The following PTPRN2 variants were observed in gnomAD, a reference collection of about 807,000 sequenced individuals.
PTPRN2 encodes the protein protein tyrosine phosphatase receptor type N2, also known as receptor-type tyrosine-protein phosphatase N2.
A neutral mutation model predicts 118.8 loss-of-function variants in PTPRN2; 74 were observed. The ratio of observed to expected loss-of-function variants is 0.62; its 90% CI spans 0.52 to 0.76. The LOEUF (loss-of-function observed/expected upper bound fraction) is 0.76, where lower values mean the gene tolerates loss of function less well. Among genes scored for constraint, PTPRN2 ranks in the 30% least tolerant of loss-of-function variants. PTPRN2 has a pLI of 0.00. For synonymous variants in PTPRN2, 641 were observed against 608.0 expected, an observed-to-expected ratio of 1.05 and a Z score of -0.80; for missense variants, 1,481 against 1,394.4, an observed-to-expected ratio of 1.06 and a Z score of -0.99.
chr7:157,932,058 C>T (rs1473289771), intron 11 of PTPRN2, among the ~76,000 whole-genome samples: 1 of 152,202 alleles, frequency 6.6e-6, no homozygotes, highest in East Asian at 1.9e-4. Flanking sequence ...TTTACTCTCA[C>T]CTGCAAAATC....
intron 5 of PTPRN2, among the ~76,000 whole-genome samples, chr7:158,189,006 C>A (rs956178385): frequency 2.0e-5 from 3 of 152,190 alleles, no homozygotes; most frequent in African/African-American, 7.2e-5. Flanking sequence ...CCTAGGAAGG[C>A]ATCCTGTCTC....
chr7:158,096,685 A>AATATTC (rs1182345906), intron 10 of PTPRN2, among the ~76,000 whole-genome samples: 1 of 152,230 alleles, frequency 6.6e-6, no homozygotes, highest in Non-Finnish European at 1.5e-5. Flanking sequence ...CAGGGCACTG[A>AATATTC]AGACGAAGCC....
intron 3 of PTPRN2, among the ~76,000 whole-genome samples, chr7:158,246,052 A>G (rs1178546970): frequency 6.6e-6 from 1 of 152,060 alleles, no homozygotes; most frequent in Non-Finnish European, 1.5e-5. Context: ...GCATGATGTT[A>G]CCCTCCAGGG....
Position 157,550,171 on chromosome 7 carries a change from C to T in PTPRN2, c.2903-1152G>A, listed in dbSNP as rs1798523429. On this transcript the variant is annotated intron_variant, in intron 21 of 22. Transcript: ENST00000389418. This position sits in a 1 kb window ranked among gnomAD's most constrained non-coding sequence, Gnocchi z 5.2. Reference sequence around the variant, plus strand: ...GAATCAGGAGAGAAGCTTTAAAATTCCCGAGGTTCCTCAATTTCCTTTCCC... The same window carrying T: ...GAATCAGGAGAGAAGCTTTAAAATTTCCGAGGTTCCTCAATTTCCTTTCCC... 6.6e-6 allele frequency among the ~76,000 whole-genome samples: 1 copy of T among 152,220 alleles called. No individual in the cohort carries two copies. The highest frequency in any genetic ancestry group is 2.4e-5 in the African/African-American group (1 of 41,446).
At chr7:157,621,046 T>C (rs76869372) in intron 15 of PTPRN2, among the ~76,000 whole-genome samples, 668 of 47,578 alleles carry the variant, frequency 0.014, 11 homozygotes, top group African/African-American at 0.049. Flanking sequence ...CAGGTCAGCA[T>C]GGCCAGTTTC....
Position 158,234,465 on chromosome 7 carries a change from A to C in PTPRN2, c.278-29192T>G, listed in dbSNP as rs1020732976. On this transcript the variant is annotated intron_variant, in intron 3 of 22. Transcript: ENST00000389418. ...CATCAAATAAAAACACACAAATGGT[A>C]AACAGATATAGTCATCAAATAAAAA... Among the ~76,000 whole-genome samples the C allele has an allele frequency of 8.5e-4, 129 of 150,998 alleles. 1 individual carries two copies. The highest frequency in any genetic ancestry group is 2.9e-3 in the African/African-American group (121 of 41,082).
At chr7:158,080,435 A>G (rs890510133) in intron 11 of PTPRN2, among the ~76,000 whole-genome samples, 5 of 151,932 alleles carry the variant, frequency 3.3e-5, no homozygotes. Flanking sequence ...TGTCTTATCA[A>G]TGATACGGAA....
intron 2 of PTPRN2, among the ~76,000 whole-genome samples, chr7:158,366,009 A>G (rs1194916073): frequency 7.0e-6 from 1 of 142,052 alleles, no homozygotes; most frequent in Non-Finnish European, 1.5e-5. Flanking sequence ...CTGCAGCCCA[A>G]TGCACGTGTG....
At chr7:158,499,807 G>GTGTGTGTGTGTA (rs763360985) in intron 1 of PTPRN2, among the ~76,000 whole-genome samples, 2 of 148,890 alleles carry the variant, frequency 1.3e-5, no homozygotes, top group African/African-American at 5.0e-5. Context: ...GTGTGTGTGT[G>GTGTGTGTGTGTA]TATATATATA....
rs528306555 is a variant in PTPRN2 at position 158,075,694 on chromosome 7, A to G, written c.1723+5604T>C. Among the ~76,000 whole-genome samples, 304 of 152,360 alleles carry G rather than the reference A, an allele frequency of 2.0e-3. 1 individual carries two copies. The highest frequency in any genetic ancestry group is 6.8e-3 in the Middle Eastern group (2 of 294). On this transcript the variant is annotated intron_variant, in intron 11 of 22. Transcript: ENST00000389418. Reference sequence around the variant, plus strand: ...CGTGAGTCAGGGATGTTCTAAGAGCAGGAGGAGAGCGTGGTGCTTCCCTCT... The same window carrying G: ...CGTGAGTCAGGGATGTTCTAAGAGCGGGAGGAGAGCGTGGTGCTTCCCTCT...
chr7:158,432,584 G>C (rs886369370), intron 2 of PTPRN2, among the ~76,000 whole-genome samples: 6 of 152,178 alleles, frequency 3.9e-5, no homozygotes, highest in Admixed American at 2.6e-4. Flanking sequence ...CAAGCTCCTG[G>C]AATATGTTTA....
intron 3 of PTPRN2, among the ~76,000 whole-genome samples, chr7:158,210,733 C>A (rs1415165581): frequency 6.6e-6 from 1 of 152,058 alleles, no homozygotes; most frequent in African/African-American, 2.4e-5. Flanking sequence ...TGGATAAATT[C>A]CTAGACACAT....
chr7:157,820,996 G>T (rs1164850384), intron 12 of PTPRN2, among the ~76,000 whole-genome samples: 5 of 152,204 alleles, frequency 3.3e-5, no homozygotes, highest in African/African-American at 9.7e-5. Context: ...AGGCAAGAGT[G>T]CACCCTGCAG....
intron 11 of PTPRN2, among the ~76,000 whole-genome samples, chr7:157,992,937 G>A (rs962258785): frequency 7.2e-5 from 11 of 152,364 alleles, no homozygotes; most frequent in Middle Eastern, 6.8e-3. Flanking sequence ...GACGCGTGGC[G>A]GCCGGGTCAC....
intron 3 of PTPRN2, among the ~76,000 whole-genome samples, chr7:158,212,711 T>C (rs1827693138): frequency 6.6e-6 from 1 of 152,154 alleles, no homozygotes; most frequent in Admixed American, 6.5e-5. Flanking sequence ...AATAAGCACA[T>C]AGTACCCGCC....
At chr7:157,620,806 G>C (rs992109233) in intron 15 of PTPRN2, among the ~76,000 whole-genome samples, 37 of 152,186 alleles carry the variant, frequency 2.4e-4, no homozygotes, top group Admixed American at 6.5e-5. Flanking sequence ...TGCAGGCGGG[G>C]GGTGCCGGGA....
intron 3 of PTPRN2, among the ~76,000 whole-genome samples, chr7:158,294,146 C>A (rs1800306640): frequency 6.6e-6 from 1 of 152,210 alleles, no homozygotes; most frequent in Non-Finnish European, 1.5e-5. Flanking sequence ...ATGAGGGCCA[C>A]AAGGTCAGTC....
intron 4 of PTPRN2, among the ~76,000 whole-genome samples, chr7:158,203,481 C>T (rs950527963): frequency 6.6e-6 from 1 of 152,106 alleles, no homozygotes; most frequent in African/African-American, 2.4e-5. Flanking sequence ...AATCCAGGCG[C>T]CTCTCCATGG....
chr7:158,535,252 ACTC>A (rs1409676477), intron 1 of PTPRN2, among the ~76,000 whole-genome samples: 2 of 152,170 alleles, frequency 1.3e-5, no homozygotes, highest in African/African-American at 4.8e-5. Context: ...ACTCTTAACT[ACTC>A]AGTACCAAGG....
Sources: allele counts gnomAD v4.1 joint callset (sites outside exome capture counted in the v4.1 genomes callset), GRCh38; gene constraint gnomAD v4.1.1; non-coding constraint Gnocchi (gnomAD v3.1); transcripts MANE v1.5; gene names NCBI Gene and HGNC (gene_info 2026-07-23, HGNC 2026-07-21).